The following AKR1C8 variants were observed in gnomAD, a reference collection of about 807,000 sequenced individuals.
AKR1C8 encodes aldo-keto reductase family 1 member C8, also known as aldo-keto reductase family 1 member C-like protein 1.
chr10:5,165,832 G>T, the AKR1C8 span, among the ~76,000 whole-genome samples: 3 of 152,130 alleles, frequency 2.0e-5, no homozygotes, highest in East Asian at 5.8e-4. Flanking sequence ...GACACCTAGG[G>T]TAACTCCAGG....
At chr10:5,153,541 A>G in the AKR1C8 span, among the ~76,000 whole-genome samples, 1 of 152,198 alleles carries the variant, frequency 6.6e-6, no homozygotes, top group Admixed American at 6.5e-5. Flanking sequence ...TAAAAGTTTA[A>G]TTGGCTCACA....
At chr10:5,127,787 A>G in the AKR1C8 span, among the ~76,000 whole-genome samples, 2 of 151,728 alleles carry the variant, frequency 1.3e-5, no homozygotes, top group Non-Finnish European at 2.9e-5. Flanking sequence ...GAGATTATGT[A>G]AAACAGCCAA....
the AKR1C8 span, chr10:5,155,811 A>T: frequency 2.3e-6 from 1 of 443,486 alleles, no homozygotes; most frequent in Non-Finnish European, 4.7e-6. Context: ...CAGCTTCTAC[A>T]TGGGAATACA....
the AKR1C8 span, chr10:5,158,486 G>A: frequency 5.3e-5 from 20 of 380,014 alleles, no homozygotes; most frequent in African/African-American, 1.5e-4. Context: ...GTTGCTTTTC[G>A]CTTTTAATCT....
the AKR1C8 span, among the ~76,000 whole-genome samples, chr10:5,148,462 TAAG>T: frequency 6.6e-6 from 1 of 152,238 alleles, no homozygotes; most frequent in East Asian, 1.9e-4. Flanking sequence ...CAAGTCACAG[TAAG>T]ATCTTTGACC....
chr10:5,158,602 C>T, the AKR1C8 span: 5 of 475,572 alleles, frequency 1.1e-5, no homozygotes, highest in South Asian at 7.7e-5. Flanking sequence ...CTTATTACCA[C>T]TGTGGGTCTC....
At chr10:5,116,611 C>A in the AKR1C8 span, among the ~76,000 whole-genome samples, 92 of 152,312 alleles carry the variant, frequency 6.0e-4, no homozygotes, top group Middle Eastern at 3.4e-3. Flanking sequence ...CCTGACCACC[C>A]AGCCAAAATA....
At chr10:5,151,293 C>A in the AKR1C8 span, among the ~76,000 whole-genome samples, 1 of 152,154 alleles carries the variant, frequency 6.6e-6, no homozygotes, top group Non-Finnish European at 1.5e-5. Flanking sequence ...ACCATAATTT[C>A]TAATCTTGTG....
the AKR1C8 span, chr10:5,162,787 T>G: frequency 2.4e-6 from 1 of 420,490 alleles, no homozygotes; most frequent in Admixed American, 2.5e-5. Context: ...AGACCATGTT[T>G]TCATTTCAAA....
chr10:5,176,291 T>C, the AKR1C8 span, among the ~76,000 whole-genome samples: 1 of 119,680 alleles, frequency 8.4e-6, no homozygotes, highest in African/African-American at 2.9e-5. Flanking sequence ...TAGTTGTAGA[T>C]ATGCGGCATT....
At chr10:5,135,747 C>T in the AKR1C8 span, among the ~76,000 whole-genome samples, 1 of 96,498 alleles carries the variant, frequency 1.0e-5, no homozygotes, top group African/African-American at 4.7e-5. Flanking sequence ...CATTGTACAT[C>T]TTTCTCTCAC....
At chr10:5,146,130 T>G in the AKR1C8 span, among the ~76,000 whole-genome samples, 1 of 140,700 alleles carries the variant, frequency 7.1e-6, no homozygotes, top group African/African-American at 2.7e-5. Flanking sequence ...TTCTCACTCA[T>G]AGGTGGGAAT....
At chr10:5,167,224 G>T in the AKR1C8 span, among the ~76,000 whole-genome samples, 1 of 152,164 alleles carries the variant, frequency 6.6e-6, no homozygotes, top group African/African-American at 2.4e-5. Context: ...AAGTCAGTAT[G>T]GTGATTCCTC....
At chr10:5,174,349 A>T in the AKR1C8 span, among the ~76,000 whole-genome samples, 1 of 152,054 alleles carries the variant, frequency 6.6e-6, no homozygotes, top group Non-Finnish European at 1.5e-5. Context: ...GAAAATTAAA[A>T]ATTATAATGC....
At chr10:5,181,511 C>T in the AKR1C8 span, among the ~76,000 whole-genome samples, 1 of 152,090 alleles carries the variant, frequency 6.6e-6, no homozygotes, top group Admixed American at 6.5e-5. Context: ...GATTGTCTTC[C>T]CTGACCCCTA....
At chr10:5,138,539 G>T in the AKR1C8 span, among the ~76,000 whole-genome samples, 1 of 152,098 alleles carries the variant, frequency 6.6e-6, no homozygotes, top group East Asian at 1.9e-4. Context: ...TACAATCAAT[G>T]TGTACACTTA....
At chr10:5,163,350 C>G in the AKR1C8 span, among the ~76,000 whole-genome samples, 2 of 152,170 alleles carry the variant, frequency 1.3e-5, no homozygotes, top group African/African-American at 4.8e-5. Context: ...CTGAAAGCAA[C>G]TGGCCCTGTC....
the AKR1C8 span, among the ~76,000 whole-genome samples, chr10:5,175,438 G>C: frequency 6.6e-6 from 1 of 152,094 alleles, no homozygotes; most frequent in Non-Finnish European, 1.5e-5. Context: ...ATAAACATAT[G>C]TGTGCATGTG....
At chr10:5,153,780 C>T in the AKR1C8 span, among the ~76,000 whole-genome samples, 11 of 152,200 alleles carry the variant, frequency 7.2e-5, no homozygotes, top group African/African-American at 2.7e-4. Flanking sequence ...CACCAGATCC[C>T]TCCTCCAATA....
Sources: gnomAD v4.1 joint callset for allele counts (sites outside exome capture counted in the v4.1 genomes callset) on GRCh38, gnomAD v4.1.1 for gene constraint, MANE v1.5 for transcripts, NCBI Gene and HGNC (gene_info 2026-07-23, HGNC 2026-07-21) for gene names.